Variants in PEAK1 observed in about 807,000 individuals in gnomAD.
PEAK1 encodes the protein inactive tyrosine-protein kinase PEAK1.
In PEAK1, 54 loss-of-function variants were observed where a neutral mutation model predicts 124.7. The observed-to-expected ratio is 0.43, with a 90% CI of 0.35 to 0.54. The LOEUF (loss-of-function observed/expected upper bound fraction) is 0.54. Ranked by LOEUF, PEAK1 falls within the 20% of genes least tolerant of loss-of-function variation. PEAK1 has a pLI of 0.01. For missense variants in PEAK1, 2,046 were observed against 2,134.5 expected (o/e 0.96, Z 0.82); for synonymous variants, 719 against 760.0 (o/e 0.95, Z 0.89).
intron 2 of PEAK1, among the ~76,000 whole-genome samples, chr15:77,342,156 T>TAAAAAAAAAAA (rs34828008): frequency 7.1e-6 from 1 of 140,314 alleles, no homozygotes; most frequent in African/African-American, 2.6e-5. Context: ...TTCATTATGG[T>TAAAAAAAAAAA]AAAAAAAAAA....
At chr15:77,409,053 G>A (rs937081513) in intron 1 of PEAK1, among the ~76,000 whole-genome samples, 8 of 152,056 alleles carry the variant, frequency 5.3e-5, no homozygotes, top group East Asian at 1.9e-4. Flanking sequence ...CCTAAGTAAC[G>A]GAGTGAGACC....
Position 77,168,237 on chromosome 15 carries a change from G to GCACACACACACACACA in PEAK1, c.3138-9557_3138-9542dup, listed in dbSNP as rs113937076. ...TACATGCACATATGCATGTGCGCGC[G>GCACACACACACACACA]CACACACACACACACACACACACAC... On this transcript the variant is annotated intron_variant, in intron 7 of 9. Coordinates refer to ENST00000682557, the MANE Select transcript of PEAK1 (RefSeq NM_001385026.1). 2.6e-4 allele frequency among the ~76,000 whole-genome samples: 39 copies of GCACACACACACACACA among 147,280 alleles called. 1 individual carries two copies. Among genetic ancestry groups the GCACACACACACACACA allele is most frequent in the South Asian group, 8.7e-4 (4 of 4,624 alleles).
intron 5 of PEAK1, among the ~76,000 whole-genome samples, chr15:77,265,721 A>C (rs1332436619): frequency 1.3e-5 from 2 of 152,074 alleles, no homozygotes; most frequent in Non-Finnish European, 2.9e-5. Flanking sequence ...CTCTAGAACT[A>C]GAAATACCAT....
At chr15:77,327,987 T>A (rs1005209451) in intron 2 of PEAK1, among the ~76,000 whole-genome samples, 1 of 152,098 alleles carries the variant, frequency 6.6e-6, no homozygotes, top group African/African-American at 2.4e-5. Flanking sequence ...TCACAAATAA[T>A]AGCAGTAGCT....
At chr15:77,153,474 C>G (rs1596374095) in intron 8 of PEAK1, among the ~76,000 whole-genome samples, 1 of 152,112 alleles carries the variant, frequency 6.6e-6, no homozygotes, top group Non-Finnish European at 1.5e-5. Flanking sequence ...TTTTTTGTGT[C>G]TCTATTTCCT....
chr15:77,288,333 T>C (rs2063032720), intron 2 of PEAK1, among the ~76,000 whole-genome samples: 2 of 152,198 alleles, frequency 1.3e-5, no homozygotes, highest in South Asian at 4.1e-4. Context: ...TCTTTGCCAG[T>C]ATATCTTTAC....
chr15:77,181,564 T>C lies in PEAK1; in HGVS notation c.363A>G (p.Glu121=), dbSNP rs1316175675. The change falls in exon 7 of 10, where the codon GAA becomes GAG. Residue 121 remains glutamate (E), a synonymous_variant. Coordinates refer to ENST00000682557, the MANE Select transcript of PEAK1 (RefSeq NM_001385026.1). ...LSQKPLNNNN[E]DDEGISHVPK... is the part of the protein sequence containing the mutation. ...GAACATGGCTAATTCCTTCATCATC[T>C]TCATTATTATTGTTAAGTGGTTTCT... is the stretch of plus-strand genomic sequence containing the variant. The C allele has an allele frequency of 3.1e-6, 5 of 1,614,124 alleles. 1 individual carries two copies. Among genetic ancestry groups the C allele is most frequent in the Non-Finnish European group, 8.5e-7 (1 of 1,180,012 alleles).
At chr15:77,303,151 CA>C (rs1459071947) in intron 2 of PEAK1, among the ~76,000 whole-genome samples, 1 of 152,160 alleles carries the variant, frequency 6.6e-6, no homozygotes, top group Non-Finnish European at 1.5e-5. Context: ...ACAGTTTATC[CA>C]TTTACCTACT....
intron 5 of PEAK1, among the ~76,000 whole-genome samples, chr15:77,263,546 C>T (rs1180645526): frequency 6.6e-6 from 1 of 152,130 alleles, no homozygotes; most frequent in African/African-American, 2.4e-5. Context: ...CCTCCCAAGA[C>T]TAAACCAGGA....
intron 6 of PEAK1, among the ~76,000 whole-genome samples, chr15:77,235,119 G>A (rs189759281): frequency 6.6e-6 from 1 of 152,134 alleles, no homozygotes; most frequent in Non-Finnish European, 1.5e-5. Flanking sequence ...AGTAAATTAA[G>A]CCTCTTTCCT....
Position 77,114,327 on chromosome 15 carries a change from C to A in PEAK1, c.5070G>T (p.Leu1690=). The A allele has an allele frequency of 6.2e-7, 1 of 1,614,222 alleles. No individual in the cohort carries two copies. The highest frequency in any genetic ancestry group is 8.5e-7 in the Non-Finnish European group (1 of 1,180,040). The change falls in exon 10 of 10, where the codon CTG becomes CTT. Residue 1690 remains leucine (L), a synonymous_variant. Coordinates refer to ENST00000682557, the MANE Select transcript of PEAK1 (RefSeq NM_001385026.1). ...ACPSLVQRNT[L]LQNWLDIKRT... ...GCTTGATGTCTAGCCAGTTTTGGAG[C>A]AGGGTGTTCCTCTGTACTAGGCTAG...
intron 1 of PEAK1, chr15:77,418,393 A>G (rs1386255876): frequency 2.0e-6 from 2 of 985,138 alleles, no homozygotes; most frequent in African/African-American, 3.5e-5. Flanking sequence ...AAATAAAGAC[A>G]TGATAAAATA....
intron 2 of PEAK1, among the ~76,000 whole-genome samples, chr15:77,313,722 G>GTATATA (rs1322968176): frequency 9.6e-6 from 1 of 104,630 alleles, no homozygotes; most frequent in African/African-American, 3.4e-5. Context: ...GTGTGTGTGT[G>GTATATA]TGTGTATATA....
intron 2 of PEAK1, among the ~76,000 whole-genome samples, chr15:77,313,652 A>ATGTGTGTGTGTG (rs775220459): frequency 9.5e-4 from 86 of 90,572 alleles, no homozygotes; most frequent in Middle Eastern, 6.2e-3. Flanking sequence ...GTATGTATGT[A>ATGTGTGTGTGTG]TGTGTGTGTG....
chr15:77,270,612 C>T (rs2061978420), intron 5 of PEAK1, among the ~76,000 whole-genome samples: 1 of 152,154 alleles, frequency 6.6e-6, no homozygotes, highest in Non-Finnish European at 1.5e-5. Context: ...CAAACCACTG[C>T]TCAACGGCTA....
At chr15:77,208,289 A>G (rs1429584271) in intron 6 of PEAK1, among the ~76,000 whole-genome samples, 1 of 152,220 alleles carries the variant, frequency 6.6e-6, no homozygotes, top group Non-Finnish European at 1.5e-5. Context: ...TTTAAGTAGT[A>G]TGCTGGGATT....
intron 9 of PEAK1, among the ~76,000 whole-genome samples, chr15:77,119,752 T>C (rs2051740490): frequency 6.6e-6 from 1 of 152,224 alleles, no homozygotes; most frequent in Non-Finnish European, 1.5e-5. Context: ...GTTCAGGGGC[T>C]CATTTTCCAT....
At chr15:77,261,764 TA>T (rs905401881) in intron 5 of PEAK1, among the ~76,000 whole-genome samples, 3 of 152,092 alleles carry the variant, frequency 2.0e-5, no homozygotes, top group Admixed American at 6.5e-5. Flanking sequence ...GAGAACGTCA[TA>T]AAGATACTCC....
At chr15:77,313,726 G>GTGTATGTATATA (rs1462211130) in intron 2 of PEAK1, among the ~76,000 whole-genome samples, 1 of 108,568 alleles carries the variant, frequency 9.2e-6, no homozygotes, top group Admixed American at 9.5e-5. Flanking sequence ...GTGTGTGTGT[G>GTGTATGTATATA]TATATATATA....
Sources: gnomAD v4.1 joint callset for allele counts (sites outside exome capture counted in the v4.1 genomes callset) on GRCh38, gnomAD v4.1.1 for gene constraint, MANE v1.5 for transcripts, NCBI Gene and HGNC (gene_info 2026-07-23, HGNC 2026-07-21) for gene names.